QARS1: variants seen among roughly 807,000 people sequenced by gnomAD.
The protein encoded by QARS1 is glutamine--tRNA ligase.
In QARS1, 79 loss-of-function variants were observed where a neutral mutation model predicts 106.9. That is an observed-to-expected ratio of 0.74 (90% confidence interval 0.62 to 0.89). The LOEUF (loss-of-function observed/expected upper bound fraction) is 0.89, where lower values mean the gene tolerates loss of function less well. QARS1 is among the 40% of genes least tolerant of loss of function. The pLI, the probability that QARS1 is intolerant of heterozygous loss-of-function variation, is 0.00. For missense variants in QARS1, 966 were observed against 997.2 expected, an observed-to-expected ratio of 0.97 and a Z score of 0.42; for synonymous variants, 395 against 367.7, an observed-to-expected ratio of 1.07 and a Z score of -0.85.
At position 49,099,243 on chromosome 3, in the gene QARS1, G is replaced by A. The variant is rs2042434347; in HGVS notation, c.1625C>T (p.Thr542Ile). The A allele has an allele frequency of 6.2e-6, 10 of 1,614,064 alleles. No individual in the cohort carries two copies. Among genetic ancestry groups the A allele is most frequent in the Non-Finnish European group, 5.9e-6 (7 of 1,180,036 alleles). The change falls in exon 18 of 24, where the codon ACT (threonine) becomes ATT (isoleucine). Residue 542 changes from threonine (T) to isoleucine (I), a missense_variant. Thr to Ile is a moderately conservative substitution (Grantham distance 89, BLOSUM62 -1). Transcript: ENST00000306125. The stretch of plus-strand genomic sequence containing the variant: ...TGGCTCCATTGTGGTTTGTGCCACA[G>A]TCACTCCCACCTGGCAGGAAAGTTC... Reference protein sequence around the residue: ...INNFCARVGVTVAQTTMEPHL... With the variant: ...INNFCARVGVIVAQTTMEPHL...
chr3:49,102,039 C>G, intron 7 of QARS1, 140 bp from the exon 8 acceptor site: 1 of 1,305,752 alleles, frequency 7.7e-7, no homozygotes, highest in Non-Finnish European at 1.1e-6. Context: ...GCCTCTCATG[C>G]CAGTCTCTGG....
rs1291792145 is a variant in QARS1 at position 49,101,877 on chromosome 3, C to A, written c.654G>T (p.Leu218=). The part of the protein sequence containing the change: ...VENGETADQT[L]SLMEQLRGEA... ...CCCCCCGGAGCTGCTCCATCAGAGA[C>A]AGGGTCTGGTCAGCAGTCTCGCCTG... The change falls in exon 8 of 24, where the codon CTG becomes CTT. Residue 218 remains leucine (L), a synonymous_variant. Transcript: ENST00000306125. 1 of 1,612,302 alleles carries A rather than the reference C, an allele frequency of 6.2e-7. No homozygotes were observed. Among genetic ancestry groups the A allele is most frequent in the Admixed American group, 1.7e-5 (1 of 59,692 alleles).
chr3:49,096,137 G>A (rs2042386861), intron 23 of QARS1, 58 bp from the exon 24 acceptor site: 3 of 1,589,648 alleles, frequency 1.9e-6, no homozygotes, highest in African/African-American at 2.7e-5. Context: ...GGGAGGCCTG[G>A]GCAGGTTTCA....
At chr3:49,096,626 C>G (rs1034899821) in intron 23 of QARS1, among the ~76,000 whole-genome samples, 1 of 151,578 alleles carries the variant, frequency 6.6e-6, no homozygotes, top group Non-Finnish European at 1.5e-5. Flanking sequence ...GGTGAAACCC[C>G]GTCTCTACTA....
At chr3:49,096,783 T>C (rs1302800859) in intron 23 of QARS1, among the ~76,000 whole-genome samples, 1 of 54,620 alleles carries the variant, frequency 1.8e-5, no homozygotes, top group Non-Finnish European at 3.4e-5. Context: ...CTGGGCGACA[T>C]GTGAGACTCC....
rs2042494081 is a variant in QARS1 at position 49,103,238 on chromosome 3, G to A, written c.516+107C>T. 8 of 1,219,090 alleles carry A rather than the reference G, an allele frequency of 6.6e-6. No individual in the cohort carries two copies. The East Asian group carries it at 7.0e-5, about 11-fold the overall frequency. 75.5% of individuals were successfully genotyped at this position (1,219,090 alleles called of 1,614,324 possible). A position where few individuals can be genotyped will look rare whatever the true frequency, so the allele number is the denominator to read the frequency against. On this transcript the variant is annotated intron_variant, in intron 5 of 23. Transcript: ENST00000306125. ...CTCCCAAAGTGCTGGGATCAGAAGC[G>A]TGAGCCACCATGCCCAGCCCTCTTC...
At chr3:49,097,794 CA>C (rs1052758742) in intron 23 of QARS1, among the ~76,000 whole-genome samples, 197 bp downstream of exon 23, 1 of 150,132 alleles carries the variant, frequency 6.7e-6, no homozygotes, top group Admixed American at 6.6e-5. Context: ...AAGACTGTCT[CA>C]AAAAAAAAGG....
chr3:49,101,594 G>A, intron 9 of QARS1, 26 bp downstream of exon 9: 2 of 1,611,876 alleles, frequency 1.2e-6, no homozygotes, highest in Middle Eastern at 1.8e-4. Context: ...GATGGCACAA[G>A]CTCACATGGC....
chr3:49,098,338 G>A lies in QARS1; in HGVS notation c.2084+15C>T. ...GCATCTTGTACCTGCCCCCACCCCA[G>A]CTCTGTTCACTCACAGTCGCTCATA... is the stretch of plus-strand genomic sequence containing the variant. On this transcript the variant is annotated intron_variant, in intron 21 of 23. Coordinates refer to ENST00000306125, the MANE Select transcript of QARS1 (RefSeq NM_005051.3). 1 of 1,614,198 alleles carries A rather than the reference G, an allele frequency of 6.2e-7. No homozygotes were observed. The highest frequency in any genetic ancestry group is 8.5e-7 in the Non-Finnish European group (1 of 1,180,034).
chr3:49,103,934 T>TGG lies in QARS1; in HGVS notation c.302_303dup (p.Ile102ProfsTer17). 2 of 1,613,986 alleles carry TGG rather than the reference T, an allele frequency of 1.2e-6. No homozygotes were observed. The highest frequency in any genetic ancestry group is 1.7e-6 in the Non-Finnish European group (2 of 1,180,014). On this transcript the variant is annotated frameshift_variant, in exon 3 of 24. Coordinates refer to ENST00000306125, the MANE Select transcript of QARS1 (RefSeq NM_005051.3). LOFTEE classifies it high-confidence loss of function. ...TCCCGCTCGAAGTCCACAGTGTCGA[T>TGG]GGGGTCCAAGGGGTGACTCCGCACA...
rs1223507702 is a variant in QARS1, at chr3:49,101,883, C to G, written c.648G>C (p.Gln216His). The change falls in exon 8 of 24, where the codon CAG becomes CAC. Residue 216 changes from glutamine (Q) to histidine (H), a missense_variant. Coordinates refer to ENST00000306125, the MANE Select transcript of QARS1 (RefSeq NM_005051.3). ...DVVENGETAD[Q>H]TLSLMEQLRG... is the part of the protein sequence containing the mutation. ...GGAGCTGCTCCATCAGAGACAGGGT[C>G]TGGTCAGCAGTCTCGCCTGTGGGGA... 3 of 1,612,000 alleles carry G rather than the reference C, an allele frequency of 1.9e-6. No homozygotes were observed. The Admixed American group carries it at 5.0e-5, about 27-fold the overall frequency.
At position 49,100,406 on chromosome 3, in the gene QARS1, A is replaced by G; in HGVS notation, c.1029T>C (p.Tyr343=). Residue 343 remains tyrosine (Y), a synonymous_variant, in exon 12 of 24, where the codon TAT becomes TAC. Coordinates refer to ENST00000306125, the MANE Select transcript of QARS1 (RefSeq NM_005051.3). ...TYASDYFDQL[Y]AWAVELIRRG... ...TGCGGATGAGCTCCACAGCCCACGC[A>G]TATAGCTGGTCAAAATAGTCAGACG... The G allele has an allele frequency of 3.7e-6, 6 of 1,614,274 alleles. No homozygotes were observed. The highest frequency in any genetic ancestry group is 1.3e-5 in the African/African-American group (1 of 75,074).
Position 49,095,987 on chromosome 3 carries a change from C to T in QARS1, c.*42G>A. Reference sequence around the variant, plus strand: ...ATGGAATTTGGGGTGGCGAGGGTAGCCACACCCTCCAGGAGGATGAGGTAG... The same window carrying T: ...ATGGAATTTGGGGTGGCGAGGGTAGTCACACCCTCCAGGAGGATGAGGTAG... On this transcript the variant is annotated 3_prime_UTR_variant, in exon 24 of 24. Transcript: ENST00000306125. 2 of 1,593,800 alleles carry T rather than the reference C, an allele frequency of 1.3e-6. No homozygotes were observed. The highest frequency in any genetic ancestry group is 1.7e-6 in the Non-Finnish European group (2 of 1,163,828).
At position 49,095,982 on chromosome 3, in the gene QARS1, G is replaced by A; in HGVS notation, c.*47C>T. 6.3e-7 allele frequency: 1 copy of A among 1,587,440 alleles called. No homozygotes were observed. The highest frequency in any genetic ancestry group is 1.1e-5 in the South Asian group (1 of 89,388). Reference sequence around the variant, plus strand: ...TTGACATGGAATTTGGGGTGGCGAGGGTAGCCACACCCTCCAGGAGGATGA... The same window carrying A: ...TTGACATGGAATTTGGGGTGGCGAGAGTAGCCACACCCTCCAGGAGGATGA... On this transcript the variant is annotated 3_prime_UTR_variant, in exon 24 of 24. Transcript: ENST00000306125.
intron 5 of QARS1, 34 bp from the exon 6 acceptor site, chr3:49,102,506 G>A (rs772334002): frequency 3.7e-6 from 6 of 1,612,432 alleles, no homozygotes; most frequent in East Asian, 2.2e-5. Context: ...AGAGGCAGGA[G>A]TATCCTCTTT....
Position 49,101,694 on chromosome 3 carries a change from T to C in QARS1, c.715A>G (p.Lys239Glu). The change falls in exon 9 of 24, where the codon AAG becomes GAG. Residue 239 changes from lysine to glutamate, a missense_variant. Transcript: ENST00000306125. ...GGAGTGACCACATAGCCTGGGGTCT[T>C]GTAGTTCTCACCTGCCAGGACCAGA... The part of the protein sequence containing the change: ...LKFHKPGENY[K>E]TPGYVVTPHT... 1 of 1,614,098 alleles carries C rather than the reference T, an allele frequency of 6.2e-7. No individual in the cohort carries two copies. The highest frequency in any genetic ancestry group is 8.5e-7 in the Non-Finnish European group (1 of 1,180,016).
chr3:49,099,455 A>C (rs538274176), intron 16 of QARS1, 24 bp from the exon 17 acceptor site: 11 of 1,614,198 alleles, frequency 6.8e-6, no homozygotes, highest in Middle Eastern at 1.6e-4. Flanking sequence ...GGTGGTGAGA[A>C]GGCCTTTGGG....
At position 49,101,907 on chromosome 3, in the gene QARS1, G is replaced by GA. The variant is rs775642346; in HGVS notation, c.632-9dup. ...TCTGGTCAGCAGTCTCGCCTGTGGGGAACAAAACAAGGAAAACTTGTCCTC... is the reference window on the plus strand; with the variant it reads ...TCTGGTCAGCAGTCTCGCCTGTGGGGAAACAAAACAAGGAAAACTTGTCCTC... On this transcript the variant is annotated splice_polypyrimidine_tract_variant and intron_variant, in intron 7 of 23. Transcript: ENST00000306125. The GA allele has an allele frequency of 2.0e-4, 319 of 1,605,348 alleles. 1 individual carries two copies. The highest frequency in any genetic ancestry group is 2.3e-4 in the Non-Finnish European group (269 of 1,175,944).
Position 49,096,084 on chromosome 3 carries a change from A to T in QARS1, c.2278-5T>A. ...GACAGTTCGGTTAAAGACAAGCTGG[A>T]GGGCAGAGGGAAAAGGATGACCACC... On this transcript the variant is annotated splice_region_variant and splice_polypyrimidine_tract_variant and intron_variant, in intron 23 of 23. Coordinates refer to ENST00000306125, the MANE Select transcript of QARS1 (RefSeq NM_005051.3). 1.2e-6 allele frequency: 2 copies of T among 1,613,568 alleles called. No individual in the cohort carries two copies. The highest frequency in any genetic ancestry group is 1.7e-6 in the Non-Finnish European group (2 of 1,179,820).
Sources: gnomAD v4.1 joint callset for allele counts (sites outside exome capture counted in the v4.1 genomes callset) on GRCh38, gnomAD v4.1.1 for gene constraint, MANE v1.5 for transcripts, NCBI Gene and HGNC (gene_info 2026-07-23, HGNC 2026-07-21) for gene names.